Variants in CORIN observed in about 807,000 individuals in gnomAD.
The protein encoded by CORIN is corin, serine peptidase.
Under a neutral mutation model 125.3 loss-of-function variants are expected in CORIN, and 117 were observed. The ratio of observed to expected loss-of-function variants is 0.93; its 90% confidence interval spans 0.80 to 1.09. The LOEUF (loss-of-function observed/expected upper bound fraction) is 1.09, where lower values mean the gene tolerates loss of function less well. Among genes scored for constraint, CORIN ranks in the 50% least tolerant of loss-of-function variants. CORIN has a pLI of 0.00. For missense variants in CORIN, 1,253 were observed against 1,306.7 expected (o/e 0.96, Z 0.63); for synonymous variants, 450 against 466.4 (o/e 0.96, Z 0.45).
chr4:47,837,858 G>A lies in CORIN; in HGVS notation c.63+29C>T, dbSNP rs780686263. On this transcript the variant is annotated intron_variant, in intron 1 of 21. Coordinates refer to ENST00000273857, the MANE Select transcript of CORIN (RefSeq NM_006587.4). ...GACTAAGAGGCCATCACACCTGGCT[G>A]CGGTAGGACAGCGAATCATCGATCT... 1.4e-5 allele frequency: 23 copies of A among 1,595,710 alleles called. No homozygotes were observed. In the Middle Eastern group the frequency reaches 5.3e-4, roughly 37 times the overall value.
intron 3 of CORIN, among the ~76,000 whole-genome samples, chr4:47,768,332 A>G (rs1057123415): frequency 2.6e-5 from 4 of 152,230 alleles, no homozygotes; most frequent in African/African-American, 9.6e-5. Context: ...AAGAACCAGT[A>G]ACAAAAAGTC....
intron 21 of CORIN, 122 bp from the exon 22 acceptor site, chr4:47,596,025 G>A (rs1003882527): frequency 6.0e-6 from 4 of 666,580 alleles, no homozygotes; most frequent in Non-Finnish European, 6.9e-6. Flanking sequence ...TTTCAACAAA[G>A]CTTTCCTTGT....
chr4:47,624,935 A>C (rs1722489592), intron 17 of CORIN, among the ~76,000 whole-genome samples: 1 of 152,050 alleles, frequency 6.6e-6, no homozygotes, highest in Admixed American at 6.6e-5. Context: ...CTGAAGATTT[A>C]CTGTATTTTC....
At chr4:47,729,703 A>T (rs1727774043) in intron 5 of CORIN, among the ~76,000 whole-genome samples, 1 of 152,156 alleles carries the variant, frequency 6.6e-6, no homozygotes, top group South Asian at 2.1e-4. Flanking sequence ...AAGTGAGGAC[A>T]GGCATTTCTG....
chr4:47,787,398 T>C (rs1730864742), intron 2 of CORIN, among the ~76,000 whole-genome samples: 1 of 152,160 alleles, frequency 6.6e-6, no homozygotes, highest in African/African-American at 2.4e-5. Flanking sequence ...ACAATGGTGC[T>C]TGCCATCAGC....
chr4:47,829,492 T>C (rs1188511549), intron 1 of CORIN, among the ~76,000 whole-genome samples: 1 of 152,178 alleles, frequency 6.6e-6, no homozygotes, highest in Admixed American at 6.6e-5. Flanking sequence ...CTGTGAGCCA[T>C]CAGGGCAAAT....
At chr4:47,787,320 G>C (rs962256035) in intron 2 of CORIN, among the ~76,000 whole-genome samples, 1 of 151,970 alleles carries the variant, frequency 6.6e-6, no homozygotes. Context: ...TAATCTCACC[G>C]GTCATTGTTT....
chr4:47,799,794 A>G lies in CORIN; in HGVS notation c.208+7109T>C, dbSNP rs77240470. Reference sequence around the variant, plus strand: ...AAAATGTATGTCCCCACAAAAACATACACACAAATATTCATAACAGGATTA... The same window carrying G: ...AAAATGTATGTCCCCACAAAAACATGCACACAAATATTCATAACAGGATTA... On this transcript the variant is annotated intron_variant, in intron 2 of 21. Coordinates refer to ENST00000273857, the MANE Select transcript of CORIN (RefSeq NM_006587.4). 6.8e-3 allele frequency among the ~76,000 whole-genome samples: 1,043 copies of G among 152,330 alleles called. 13 individuals carry two copies. The highest frequency in any genetic ancestry group is 0.023 in the African/African-American group (937 of 41,576).
chr4:47,749,389 T>C (rs1487566800), intron 4 of CORIN, among the ~76,000 whole-genome samples: 1 of 152,232 alleles, frequency 6.6e-6, no homozygotes, highest in East Asian at 1.9e-4. Flanking sequence ...GGCAAGGATC[T>C]GAAGGTTGCC....
intron 12 of CORIN, among the ~76,000 whole-genome samples, chr4:47,660,004 AG>A (rs1185812881): frequency 2.0e-5 from 3 of 152,234 alleles, no homozygotes; most frequent in Admixed American, 2.0e-4. Context: ...ACATAGGCTA[AG>A]GGAACAGAAA....
rs913104511 is a variant in CORIN, at chr4:47,692,522, G to A, written c.913+448C>T. Among the ~76,000 whole-genome samples the A allele has an allele frequency of 4.6e-5, 7 of 151,820 alleles. No individual in the cohort carries two copies. In the South Asian group the frequency reaches 6.2e-4, roughly 14 times the overall value. ...GATTAGTGGATTTTAAACAGTTAGTGCCATTGACTATCTCCAGGTTTGGAA... is the reference window on the plus strand; with the variant it reads ...GATTAGTGGATTTTAAACAGTTAGTACCATTGACTATCTCCAGGTTTGGAA... On this transcript the variant is annotated intron_variant, in intron 6 of 21. Coordinates refer to ENST00000273857, the MANE Select transcript of CORIN (RefSeq NM_006587.4).
chr4:47,787,900 A>G (rs1430302099), intron 2 of CORIN, among the ~76,000 whole-genome samples: 1 of 152,246 alleles, frequency 6.6e-6, no homozygotes, highest in Non-Finnish European at 1.5e-5. Context: ...TTGGTTTTCC[A>G]TACTCATTAA....
Position 47,666,748 on chromosome 4 carries a change from G to C in CORIN, c.1358-1485C>G, listed in dbSNP as rs548059101. Among the ~76,000 whole-genome samples, 3 of 152,296 alleles carry C rather than the reference G, an allele frequency of 2.0e-5. No homozygotes were observed. In the South Asian group the frequency reaches 6.2e-4, roughly 32 times the overall value. ...CAAGAGGGCAACTGTCTGCAAACCA[G>C]GAAGCAGCCTGTTACCAGAGACCAA... On this transcript the variant is annotated intron_variant, in intron 10 of 21. Transcript: ENST00000273857.
At chr4:47,616,305 C>T (rs13152624) in intron 19 of CORIN, among the ~76,000 whole-genome samples, 40,873 of 151,530 alleles carry the variant, frequency 0.27, 5,649 homozygotes, top group Admixed American at 0.35. Context: ...ATTCACATAC[C>T]TTATATTCAT....
intron 19 of CORIN, among the ~76,000 whole-genome samples, chr4:47,608,275 C>T (rs942458280): frequency 2.0e-5 from 3 of 151,062 alleles, no homozygotes; most frequent in Admixed American, 6.6e-5. Flanking sequence ...GAGCTGAGAT[C>T]GGCCATTGCA....
At chr4:47,612,624 A>G (rs1721915859) in intron 19 of CORIN, among the ~76,000 whole-genome samples, 1 of 152,214 alleles carries the variant, frequency 6.6e-6, no homozygotes, top group South Asian at 2.1e-4. Flanking sequence ...CAACTCATCT[A>G]AAGTCACAGA....
At chr4:47,693,342 T>A (rs1478848211) in intron 5 of CORIN, among the ~76,000 whole-genome samples, 1 of 152,204 alleles carries the variant, frequency 6.6e-6, no homozygotes. Flanking sequence ...GAGTGAGGCA[T>A]CCATGTTCAG....
At chr4:47,733,241 T>C (rs115512042) in intron 5 of CORIN, among the ~76,000 whole-genome samples, 1,594 of 152,304 alleles carry the variant, frequency 0.01, 11 homozygotes, top group South Asian at 0.038. Context: ...GTTGGAGCAA[T>C]AGAGGTTTAA....
intron 4 of CORIN, among the ~76,000 whole-genome samples, chr4:47,757,900 A>ATATATG (rs1553916104): frequency 9.7e-5 from 14 of 144,238 alleles, no homozygotes; most frequent in African/African-American, 2.8e-4. Flanking sequence ...ATATATATAT[A>ATATATG]TATATACACA....
Sources: allele counts gnomAD v4.1 joint callset (sites outside exome capture counted in the v4.1 genomes callset), GRCh38; gene constraint gnomAD v4.1.1; transcripts MANE v1.5; gene names NCBI Gene and HGNC (gene_info 2026-07-23, HGNC 2026-07-21).